The following RALGPS1 variants were observed in gnomAD, a reference collection of about 807,000 sequenced individuals.
The protein encoded by RALGPS1 is Ral GEF with PH domain and SH3 binding motif 1.
Under a neutral mutation model 78.8 loss-of-function variants are expected in RALGPS1, and 19 were observed. The ratio of observed to expected loss-of-function variants is 0.24; its 90% CI spans 0.17 to 0.35. RALGPS1 has a LOEUF of 0.35. RALGPS1 is among the 10% of genes least tolerant of loss of function. The probability of loss-of-function intolerance (pLI) is 1.00; values close to 1 mark genes in which losing one functional copy is unlikely to be tolerated. For missense variants in RALGPS1, 454 were observed against 688.3 expected, an observed-to-expected ratio of 0.66 and a Z score of 3.81; for synonymous variants, 228 against 256.3, an observed-to-expected ratio of 0.89 and a Z score of 1.06.
chr9:127,080,217 CAGTGGGCTCCTGAGTACTCA>C lies in RALGPS1; in HGVS notation c.610+10864_610+10883del, dbSNP rs567180863. ...GCCTGTTGTTCCCTGATGGAGTATA[CAGTGGGCTCCTGAGTACTCA>C]AGGGAAACAAAGATATATCCTTTTT... On this transcript the variant is annotated intron_variant, in intron 8 of 18. Coordinates refer to ENST00000259351, the MANE Select transcript of RALGPS1 (RefSeq NM_014636.3). Among the ~76,000 whole-genome samples the C allele has an allele frequency of 3.3e-5, 5 of 152,322 alleles. No individual in the cohort carries two copies. The East Asian group carries it at 7.7e-4, about 23-fold the overall frequency.
intron 8 of RALGPS1, among the ~76,000 whole-genome samples, chr9:127,161,846 G>A (rs2059037890): frequency 1.3e-5 from 2 of 148,842 alleles, no homozygotes; most frequent in South Asian, 4.1e-4. Flanking sequence ...CCAGTTCCCA[G>A]CTGTGTGGCC....
chr9:126,942,100 C>T (rs1004244732), intron 1 of RALGPS1, among the ~76,000 whole-genome samples: 5 of 152,194 alleles, frequency 3.3e-5, no homozygotes, highest in Admixed American at 2.0e-4. Context: ...ACCCATCTTC[C>T]GAGTGTTGAG....
intron 4 of RALGPS1, among the ~76,000 whole-genome samples, chr9:126,982,786 C>G (rs963285821): frequency 1.4e-5 from 2 of 141,256 alleles, no homozygotes; most frequent in African/African-American, 5.9e-5. Context: ...TCTTCTTCCT[C>G]TTCTTCTTCT....
rs999851745 is a variant in RALGPS1, at chr9:127,091,511, A to G, written c.610+22155A>G. 1.6e-4 allele frequency among the ~76,000 whole-genome samples: 25 copies of G among 152,076 alleles called. No homozygotes were observed. The highest frequency in any genetic ancestry group is 5.8e-4 in the African/African-American group (24 of 41,474). On this transcript the variant is annotated intron_variant, in intron 8 of 18. Transcript: ENST00000259351. The surrounding 1 kb of genome is among the most constrained non-coding windows in gnomAD (Gnocchi z 4.3). ...TTTGTGAAGGGGACCTGTGGGCAGG[A>G]GAAGGGACCCTCAGGGGGTGGTAAC...
At position 127,218,635 on chromosome 9, in the gene RALGPS1, TTCCC is replaced by T; in HGVS notation, c.1645-104_1645-101del. On this transcript the variant is annotated intron_variant, in intron 18 of 18. Coordinates refer to ENST00000259351, the MANE Select transcript of RALGPS1 (RefSeq NM_014636.3). The surrounding 1 kb of genome is among the most constrained non-coding windows in gnomAD (Gnocchi z 4.4). ...ACCCTCTCCCTACCCAACCTGCTCA[TTCCC>T]AGACTCACGGGGAAAGGCCTGTCCC... 1 of 1,248,408 alleles carries T rather than the reference TTCCC, an allele frequency of 8.0e-7. No individual in the cohort carries two copies. The highest frequency in any genetic ancestry group is 1.2e-5 in the South Asian group (1 of 83,344). The allele number at this position is 1,248,408 out of a possible 1,614,324, so 77.3% of individuals were successfully genotyped here.
intron 4 of RALGPS1, among the ~76,000 whole-genome samples, chr9:127,027,375 A>C (rs2046044654): frequency 6.6e-6 from 1 of 152,220 alleles, no homozygotes; most frequent in Non-Finnish European, 1.5e-5. Context: ...ACAGACACAG[A>C]TGATGGAATC....
intron 7 of RALGPS1, among the ~76,000 whole-genome samples, chr9:127,059,939 A>C (rs1448010291): frequency 2.6e-5 from 4 of 152,148 alleles, no homozygotes; most frequent in African/African-American, 9.7e-5. Context: ...TTCTGGATAA[A>C]ATACAACCAA....
At chr9:127,169,042 A>G (rs1239348995) in intron 10 of RALGPS1, among the ~76,000 whole-genome samples, 1 of 152,166 alleles carries the variant, frequency 6.6e-6, no homozygotes, top group Non-Finnish European at 1.5e-5. Flanking sequence ...AGTTCAGAGT[A>G]AGGTGTTGTG....
At chr9:126,942,008 A>G (rs2036840223) in intron 1 of RALGPS1, among the ~76,000 whole-genome samples, 1 of 152,210 alleles carries the variant, frequency 6.6e-6, no homozygotes, top group Admixed American at 6.5e-5. Flanking sequence ...CAACCCTCTA[A>G]GAAAGATGCT....
At chr9:126,943,354 G>A (rs1433008731) in intron 1 of RALGPS1, among the ~76,000 whole-genome samples, 1 of 152,112 alleles carries the variant, frequency 6.6e-6, no homozygotes, top group Admixed American at 6.5e-5. Context: ...TGTTGGCCAG[G>A]CTGGTTGTGA....
intron 3 of RALGPS1, among the ~76,000 whole-genome samples, chr9:126,973,052 A>G (rs1025301119): frequency 6.6e-6 from 1 of 151,670 alleles, no homozygotes; most frequent in African/African-American, 2.4e-5. Context: ...ACAGAGCGAG[A>G]CTCCATCTCA....
chr9:126,978,606 CAAA>C (rs57764057), intron 4 of RALGPS1, among the ~76,000 whole-genome samples: 7 of 110,588 alleles, frequency 6.3e-5, no homozygotes, highest in African/African-American at 6.3e-5. Context: ...GAGACTCTGT[CAAA>C]AAAAAAAAAA....
At chr9:127,199,746 G>T (rs2061529749) in intron 14 of RALGPS1, among the ~76,000 whole-genome samples, 1 of 152,178 alleles carries the variant, frequency 6.6e-6, no homozygotes, top group African/African-American at 2.4e-5. Context: ...GGCAGGCAAT[G>T]CTGTGAAGGG....
chr9:127,171,046 C>T (rs1304479806), intron 10 of RALGPS1, among the ~76,000 whole-genome samples: 10 of 152,092 alleles, frequency 6.6e-5, no homozygotes, highest in Admixed American at 2.0e-4. Flanking sequence ...ACCTTAGTGG[C>T]ATTGCATTGC....
intron 4 of RALGPS1, among the ~76,000 whole-genome samples, chr9:126,985,850 C>G (rs2041746406): frequency 1.3e-5 from 2 of 152,146 alleles, no homozygotes; most frequent in South Asian, 4.1e-4. Context: ...ACCTGGAACA[C>G]AGTACATAAT....
chr9:126,958,141 A>T (rs1432068570), intron 1 of RALGPS1, among the ~76,000 whole-genome samples: 1 of 90,456 alleles, frequency 1.1e-5, no homozygotes, highest in African/African-American at 3.3e-5. Context: ...AAAAAAAAAA[A>T]AATATATATA....
At chr9:127,039,431 G>T (rs561136235) in intron 5 of RALGPS1, among the ~76,000 whole-genome samples, 1 of 152,168 alleles carries the variant, frequency 6.6e-6, no homozygotes, top group Non-Finnish European at 1.5e-5. Flanking sequence ...AATGAAGAGA[G>T]CAGGTGTAAG....
At chr9:127,151,265 A>G (rs1028598929) in intron 8 of RALGPS1, among the ~76,000 whole-genome samples, 2 of 151,978 alleles carry the variant, frequency 1.3e-5, no homozygotes, top group African/African-American at 2.4e-5. Context: ...AAACAACCCC[A>G]TAGATTTATA....
chr9:127,151,011 G>T (rs974190635), intron 8 of RALGPS1, among the ~76,000 whole-genome samples: 1 of 152,090 alleles, frequency 6.6e-6, no homozygotes, highest in Admixed American at 6.5e-5. Context: ...GTGAAACCCT[G>T]TCTTTACTAC....
Sources: gnomAD v4.1 joint callset for allele counts (sites outside exome capture counted in the v4.1 genomes callset) on GRCh38, gnomAD v4.1.1 for gene constraint, Gnocchi (gnomAD v3.1) non-coding constraint, MANE v1.5 for transcripts, NCBI Gene and HGNC (gene_info 2026-07-23, HGNC 2026-07-21) for gene names.